DTD1: variants seen among roughly 807,000 people sequenced by gnomAD.
DTD1 encodes the protein D-tyrosyl-tRNA deacylase 1 homolog.
DTD1 carries 13 observed loss-of-function variants against 25.6 expected under a neutral mutation model. The ratio of observed to expected loss-of-function variants is 0.51; its 90% confidence interval spans 0.33 to 0.81. The LOEUF is 0.81. Ranked by LOEUF, DTD1 falls within the 30% of genes least tolerant of loss-of-function variation. DTD1 has a pLI of 0.02. For synonymous variants in DTD1, 110 were observed against 103.6 expected (o/e 1.06, Z -0.37); for missense variants, 193 against 266.4 (o/e 0.72, Z 1.92).
At chr20:18,661,999 A>C (rs1427390448) in intron 4 of DTD1, among the ~76,000 whole-genome samples, 1 of 152,096 alleles carries the variant, frequency 6.6e-6, no homozygotes, top group East Asian at 1.9e-4. Flanking sequence ...AAAACATATA[A>C]AAATTAGCCA....
chr20:18,631,730 T>C, intron 4 of DTD1: 1 of 985,474 alleles, frequency 1.0e-6, no homozygotes. Context: ...TTGTCTTGCC[T>C]CTGGCTACTC....
chr20:18,746,897 T>C (rs1331338183), intron 5 of DTD1, among the ~76,000 whole-genome samples: 1 of 152,144 alleles, frequency 6.6e-6, no homozygotes, highest in African/African-American at 2.4e-5. Context: ...GTTTTCCTGC[T>C]AGTGTTGTGC....
intron 4 of DTD1, among the ~76,000 whole-genome samples, chr20:18,705,669 G>A (rs1365857451): frequency 2.0e-5 from 3 of 152,146 alleles, no homozygotes; most frequent in African/African-American, 7.2e-5. Context: ...GAGCTGGACG[G>A]AAGTGATTCC....
chr20:18,709,798 G>A (rs531574518), intron 4 of DTD1, among the ~76,000 whole-genome samples: 1 of 152,262 alleles, frequency 6.6e-6, no homozygotes, highest in Admixed American at 6.5e-5. Context: ...GACAAGTCAG[G>A]ACATTCCAAC....
At chr20:18,628,005 G>C (rs2060766391) in intron 3 of DTD1, 122 bp from the exon 4 acceptor site, 2 of 794,880 alleles carry the variant, frequency 2.5e-6, no homozygotes, top group Non-Finnish European at 4.0e-6. Context: ...TCTTTCTTTT[G>C]TAAGTTTCCC....
chr20:18,649,425 G>A (rs887065320), intron 4 of DTD1, among the ~76,000 whole-genome samples: 1 of 127,442 alleles, frequency 7.8e-6, no homozygotes, highest in Non-Finnish European at 1.6e-5. Flanking sequence ...TGCAACATCC[G>A]CCTCCCGGGT....
At chr20:18,709,613 TG>T (rs2061150466) in intron 4 of DTD1, among the ~76,000 whole-genome samples, 1 of 152,140 alleles carries the variant, frequency 6.6e-6, no homozygotes. Context: ...TAAGGGCAAT[TG>T]GGGGGACAGA....
intron 3 of DTD1, among the ~76,000 whole-genome samples, chr20:18,596,448 C>G (rs1280307088): frequency 1.3e-5 from 2 of 152,198 alleles, no homozygotes; most frequent in Non-Finnish European, 2.9e-5. Flanking sequence ...TTGCCCTCCT[C>G]CCTTCTTCTG....
chr20:18,668,452 A>G (rs2060939850), intron 4 of DTD1, among the ~76,000 whole-genome samples: 1 of 152,176 alleles, frequency 6.6e-6, no homozygotes, highest in Admixed American at 6.5e-5. Flanking sequence ...ATGCTGAAGA[A>G]TGGCAGCTGA....
At chr20:18,727,020 A>T (rs974109127) in intron 4 of DTD1, among the ~76,000 whole-genome samples, 4 of 152,028 alleles carry the variant, frequency 2.6e-5, no homozygotes, top group Non-Finnish European at 5.9e-5. Flanking sequence ...GGACGGGTGG[A>T]CTCTTGGGTG....
In DTD1 at chr20:18,744,225, C is replaced by G. The variant is rs201965863; in HGVS notation, c.603C>G (p.Gly201=). 4.3e-6 allele frequency: 7 copies of G among 1,612,220 alleles called. No individual in the cohort carries two copies. In the East Asian group the frequency reaches 1.3e-4, roughly 31 times the overall value. Residue 201 remains glycine, a synonymous_variant, in exon 5 of 6, where the codon GGC becomes GGG. Coordinates refer to ENST00000377452, the MANE Select transcript of DTD1 (RefSeq NM_080820.6). ...GCAGTGCCAGCAGCGGGGCTGAGGG[C>G]GACGTGTCCTCTGAACGGGAGCCGT... ...EDRSASSGAE[G]DVSSEREP is the part of the protein sequence containing the mutation.
intron 4 of DTD1, among the ~76,000 whole-genome samples, chr20:18,741,786 G>T (rs1018252772): frequency 1.3e-5 from 2 of 151,788 alleles, no homozygotes; most frequent in African/African-American, 4.8e-5. Flanking sequence ...GCAGTGACAT[G>T]ATCTCAACTT....
chr20:18,691,630 G>A (rs755555625), intron 4 of DTD1, among the ~76,000 whole-genome samples: 23 of 152,110 alleles, frequency 1.5e-4, no homozygotes, highest in Non-Finnish European at 3.2e-4. Context: ...GGAGGGAAGG[G>A]GATGTGGGCT....
chr20:18,743,673 C>CAAAAAAA (rs11474877), intron 4 of DTD1, among the ~76,000 whole-genome samples: 11 of 105,080 alleles, frequency 1.0e-4, no homozygotes, highest in African/African-American at 1.5e-4. Context: ...GACCCTGTCT[C>CAAAAAAA]AAAAAAAAAA....
At chr20:18,599,990 T>C (rs529241186) in intron 3 of DTD1, among the ~76,000 whole-genome samples, 1 of 152,350 alleles carries the variant, frequency 6.6e-6, no homozygotes, top group African/African-American at 2.4e-5. Context: ...CTGTGAATAT[T>C]CAATTTACAA....
chr20:18,726,579 C>G (rs1443039232), intron 4 of DTD1, among the ~76,000 whole-genome samples: 1 of 152,084 alleles, frequency 6.6e-6, no homozygotes, highest in African/African-American at 2.4e-5. Flanking sequence ...ACTCAAAATC[C>G]TAGAGGTGTT....
intron 4 of DTD1, among the ~76,000 whole-genome samples, chr20:18,715,803 G>T (rs2061178060): frequency 6.6e-6 from 1 of 152,112 alleles, no homozygotes; most frequent in Non-Finnish European, 1.5e-5. Flanking sequence ...GTCATTCATA[G>T]GCTTCACATT....
chr20:18,628,516 C>T (rs112846864), intron 4 of DTD1, among the ~76,000 whole-genome samples: 58 of 152,224 alleles, frequency 3.8e-4, no homozygotes, highest in African/African-American at 1.3e-3. Context: ...GGCCAGGTGC[C>T]GTGGCGCCCA....
chr20:18,632,348 G>A, intron 4 of DTD1: 2 of 985,418 alleles, frequency 2.0e-6, no homozygotes, highest in South Asian at 9.4e-5. Flanking sequence ...AGAAGCCTCA[G>A]ACCCTGAACA....
Sources: gnomAD v4.1 joint callset for allele counts (sites outside exome capture counted in the v4.1 genomes callset) on GRCh38, gnomAD v4.1.1 for gene constraint, MANE v1.5 for transcripts, NCBI Gene and HGNC (gene_info 2026-07-23, HGNC 2026-07-21) for gene names.